FZD2: variants seen among roughly 807,000 people sequenced by gnomAD.
FZD2 encodes frizzled-2.
Under a neutral mutation model 36.7 loss-of-function variants are expected in FZD2, and 17 were observed. That is an observed-to-expected ratio of 0.46 (90% CI 0.32 to 0.70). The LOEUF (loss-of-function observed/expected upper bound fraction) is 0.70. Among genes scored for constraint, FZD2 ranks in the 30% least tolerant of loss-of-function variants. The pLI, the probability that FZD2 is intolerant of heterozygous loss-of-function variation, is 0.04. For synonymous variants in FZD2, 333 were observed against 359.6 expected (o/e 0.93, Z 0.84); for missense variants, 525 against 805.6 (o/e 0.65, Z 4.22).
rs1336876177 is a variant in FZD2 at position 44,558,250 on chromosome 17, G to T, written c.562G>T (p.Ala188Ser). ...CCCGGGTGGCCCGGGCGGCGGCGGCGCTCCCCCGCGCTACGCCACGCTGGA... is the reference window on the plus strand; with the variant it reads ...CCCGGGTGGCCCGGGCGGCGGCGGCTCTCCCCCGCGCTACGCCACGCTGGA... ...GTPGGPGGGG[A>S]PPRYATLEHP... Residue 188 changes from alanine to serine, a missense_variant, in exon 1 of 1, where the codon GCT becomes TCT. Physicochemically the swap from Ala to Ser is moderately conservative, Grantham distance 99. Transcript: ENST00000315323. The surrounding 1 kb of genome is among the most constrained non-coding windows in gnomAD (Gnocchi z 9.3). 68 of 1,383,190 alleles carry T rather than the reference G, an allele frequency of 4.9e-5. No individual in the cohort carries two copies. Among genetic ancestry groups the T allele is most frequent in the African/African-American group, 6.1e-5 (4 of 65,930 alleles). The allele number at this position is 1,383,190 out of a possible 1,614,324, so 85.7% of individuals were successfully genotyped here.
chr17:44,559,883 C>G lies in FZD2; in HGVS notation c.*497C>G, dbSNP rs1970870011. ...GTGAGCCTCCTCTCTGACGCTGGGC[C>G]TGTGGAAGCCGTTGGATATTTTTGA... On this transcript the variant is annotated 3_prime_UTR_variant, in exon 1 of 1. Transcript: ENST00000315323. The surrounding 1 kb of genome is among the most constrained non-coding windows in gnomAD (Gnocchi z 4.4). Among the ~76,000 whole-genome samples the G allele has an allele frequency of 6.6e-6, 1 of 152,194 alleles. No individual in the cohort carries two copies. The highest frequency in any genetic ancestry group is 2.1e-4 in the South Asian group (1 of 4,826).
Position 44,557,610 on chromosome 17 carries a change from C to T in FZD2, c.-79C>T, listed in dbSNP as rs1219097159. The T allele has an allele frequency of 3.8e-5, 33 of 875,590 alleles. 1 individual carries two copies. In the South Asian group the frequency reaches 1.1e-3, roughly 30 times the overall value. The allele number at this position is 875,590 out of a possible 1,614,324, so 54.2% of individuals were successfully genotyped here. On this transcript the variant is annotated 5_prime_UTR_variant, in exon 1 of 1. Coordinates refer to ENST00000315323, the MANE Select transcript of FZD2 (RefSeq NM_001466.4). The surrounding 1 kb of genome is among the most constrained non-coding windows in gnomAD (Gnocchi z 4.9). ...GGCGGCAGCCGCAGCGAGGAGGCGG[C>T]GGGGAAGAAGCGCAGTCTCCGGGTT...
At position 44,557,703 on chromosome 17, in the gene FZD2, C is replaced by G. The variant is rs1413946017; in HGVS notation, c.15C>G (p.Ser5Arg). The change falls in exon 1 of 1, where the codon AGC (serine) becomes AGG (arginine). Residue 5 changes from serine to arginine, a missense_variant. Transcript: ENST00000315323. The surrounding 1 kb of genome is among the most constrained non-coding windows in gnomAD (Gnocchi z 4.9). ...CGGCGGCCAGCATGCGGCCCCGCAG[C>G]GCCCTGCCCCGCCTGCTGCTGCCGC... MRPRSALPRLLLPLL... is the reference protein window; with the variant it reads MRPRRALPRLLLPLL... 1.3e-6 allele frequency: 2 copies of G among 1,485,092 alleles called. No homozygotes were observed. The highest frequency in any genetic ancestry group is 2.3e-5 in the Admixed American group (1 of 42,738). The allele number at this position is 1,485,092 out of a possible 1,614,324, so 92.0% of individuals were successfully genotyped here.
At position 44,557,896 on chromosome 17, in the gene FZD2, G is replaced by C; in HGVS notation, c.208G>C (p.Gly70Arg). 1 of 1,614,176 alleles carries C rather than the reference G, an allele frequency of 6.2e-7. No homozygotes were observed. Among genetic ancestry groups the C allele is most frequent in the South Asian group, 1.1e-5 (1 of 91,084 alleles). ...GGGCCACACGAACCAGGAGGACGCA[G>C]GCCTAGAGGTGCACCAGTTCTATCC... ...LLGHTNQEDA[G>R]LEVHQFYPLV... is the part of the protein sequence containing the mutation. Residue 70 changes from glycine to arginine, a missense_variant, in exon 1 of 1, where the codon GGC becomes CGC. Physicochemically the swap from Gly to Arg is moderately radical, Grantham distance 125. Around this residue, in one of 5 missense-constraint regions of FZD2, gnomAD observed 29 missense variants for 82.4 expected, o/e 0.35. Coordinates refer to ENST00000315323, the MANE Select transcript of FZD2 (RefSeq NM_001466.4). This position sits in a 1 kb window ranked among gnomAD's most constrained non-coding sequence, Gnocchi z 4.9.
At position 44,559,863 on chromosome 17, in the gene FZD2, C is replaced by T. The variant is rs540369761; in HGVS notation, c.*477C>T. On this transcript the variant is annotated 3_prime_UTR_variant, in exon 1 of 1. Transcript: ENST00000315323. The surrounding 1 kb of genome is among the most constrained non-coding windows in gnomAD (Gnocchi z 4.4). The stretch of plus-strand genomic sequence containing the variant: ...CTAATATAAAAGCCAAATTTGTGAG[C>T]CTCCTCTCTGACGCTGGGCCTGTGG... 6.6e-6 allele frequency among the ~76,000 whole-genome samples: 1 copy of T among 152,250 alleles called. No individual in the cohort carries two copies. Among genetic ancestry groups the T allele is most frequent in the East Asian group, 1.9e-4 (1 of 5,186 alleles).
rs770903448 is a variant in FZD2 at position 44,558,182 on chromosome 17, C to A, written c.494C>A (p.Thr165Asn). The A allele has an allele frequency of 6.6e-7, 1 of 1,509,080 alleles. No homozygotes were observed. The highest frequency in any genetic ancestry group is 2.2e-5 in the Admixed American group (1 of 45,888). 93.5% of individuals were successfully genotyped at this position (1,509,080 alleles called of 1,614,324 possible). ...HSEDGAPALL[T>N]TAPPPGLQPG... ...GAGGACGGAGCTCCCGCGCTACTCA[C>A]CACCGCGCCGCCGCCGGGACTGCAG... The change falls in exon 1 of 1, where the codon ACC (threonine) becomes AAC (asparagine). Residue 165 changes from threonine (T) to asparagine (N), a missense_variant. Physicochemically the swap from Thr to Asn is moderately conservative, Grantham distance 65. This residue lies in a region of FZD2 where 257 missense variants were observed against 344.4 expected (regional missense o/e 0.75). Coordinates refer to ENST00000315323, the MANE Select transcript of FZD2 (RefSeq NM_001466.4). This position sits in a 1 kb window ranked among gnomAD's most constrained non-coding sequence, Gnocchi z 9.3.
Position 44,561,221 on chromosome 17 carries a change from A to G in FZD2, c.*1835A>G, listed in dbSNP as rs1970883707. On this transcript the variant is annotated 3_prime_UTR_variant, in exon 1 of 1. Transcript: ENST00000315323. Reference sequence around the variant, plus strand: ...CCATTTCTTAACAGTGTAAATTAAAAGCTAATAATCATAATAATAAAGTGC... The same window carrying G: ...CCATTTCTTAACAGTGTAAATTAAAGGCTAATAATCATAATAATAAAGTGC... Among the ~76,000 whole-genome samples the G allele has an allele frequency of 6.6e-6, 1 of 152,234 alleles. No homozygotes were observed. The highest frequency in any genetic ancestry group is 6.5e-5 in the Admixed American group (1 of 15,280).
rs1380288511 is a variant in FZD2 at position 44,559,479 on chromosome 17, G to A, written c.*93G>A. On this transcript the variant is annotated 3_prime_UTR_variant, in exon 1 of 1. Coordinates refer to ENST00000315323, the MANE Select transcript of FZD2 (RefSeq NM_001466.4). The surrounding 1 kb of genome is among the most constrained non-coding windows in gnomAD (Gnocchi z 4.4). ...TATTTTATTTTTTTAAATAAAAAACGATCGAAACCATTTCACTTTTAGGTT... is the reference window on the plus strand; with the variant it reads ...TATTTTATTTTTTTAAATAAAAAACAATCGAAACCATTTCACTTTTAGGTT... The A allele has an allele frequency of 7.0e-7, 1 of 1,424,130 alleles. No homozygotes were observed. Among genetic ancestry groups the A allele is most frequent in the Non-Finnish European group, 9.1e-7 (1 of 1,093,578 alleles). The allele number at this position is 1,424,130 out of a possible 1,614,324, so 88.2% of individuals were successfully genotyped here.
chr17:44,559,409 G>C lies in FZD2; in HGVS notation c.*23G>C. On this transcript the variant is annotated 3_prime_UTR_variant, in exon 1 of 1. Transcript: ENST00000315323. This position sits in a 1 kb window ranked among gnomAD's most constrained non-coding sequence, Gnocchi z 4.4. ...TGAGGGACGCCCCCAGGCCGGAACCGCGCGGCGCTTTCCTCCGCCCGGGGT... is the reference window on the plus strand; with the variant it reads ...TGAGGGACGCCCCCAGGCCGGAACCCCGCGGCGCTTTCCTCCGCCCGGGGT... 6.5e-7 allele frequency: 1 copy of C among 1,549,990 alleles called. No individual in the cohort carries two copies. The highest frequency in any genetic ancestry group is 8.7e-7 in the Non-Finnish European group (1 of 1,149,546).
rs900079717 is a variant in FZD2, at chr17:44,560,085, C to T, written c.*699C>T. Among the ~76,000 whole-genome samples, 6 of 152,166 alleles carry T rather than the reference C, an allele frequency of 3.9e-5. No homozygotes were observed. Among genetic ancestry groups the T allele is most frequent in the Non-Finnish European group, 8.8e-5 (6 of 68,038 alleles). The stretch of plus-strand genomic sequence containing the variant: ...GATCCGGTGAGGAATGGCTTCCACC[C>T]CCTGGCCCATTCCCCTGCAGGCTGG... On this transcript the variant is annotated 3_prime_UTR_variant, in exon 1 of 1. Transcript: ENST00000315323.
In FZD2 at chr17:44,558,245, G is replaced by C; in HGVS notation, c.557G>C (p.Gly186Ala). The C allele has an allele frequency of 7.2e-7, 1 of 1,385,546 alleles. No homozygotes were observed. Among genetic ancestry groups the C allele is most frequent in the South Asian group, 1.9e-5 (1 of 53,210 alleles). The allele number at this position is 1,385,546 out of a possible 1,614,324, so 85.8% of individuals were successfully genotyped here. ...AGGTPGGPGG[G>A]GAPPRYATLE... is the part of the protein sequence containing the mutation. Reference sequence around the variant, plus strand: ...GGCACCCCGGGTGGCCCGGGCGGCGGCGGCGCTCCCCCGCGCTACGCCACG... The same window carrying C: ...GGCACCCCGGGTGGCCCGGGCGGCGCCGGCGCTCCCCCGCGCTACGCCACG... The change falls in exon 1 of 1, where the codon GGC (glycine) becomes GCC (alanine). Residue 186 changes from glycine to alanine, a missense_variant. Around this residue, in one of 5 missense-constraint regions of FZD2, gnomAD observed 257 missense variants for 344.4 expected, o/e 0.75. Transcript: ENST00000315323. This position sits in a 1 kb window ranked among gnomAD's most constrained non-coding sequence, Gnocchi z 9.3.
In FZD2 at chr17:44,559,013, G is replaced by C; in HGVS notation, c.1325G>C (p.Arg442Pro). ...GGCTTCGTGTCGCTCTTCCGCATCC[G>C]CACCATCATGAAGCACGACGGCACC... ...LAGFVSLFRIRTIMKHDGTKT... is the reference protein window; with the variant it reads ...LAGFVSLFRIPTIMKHDGTKT... Residue 442 changes from arginine to proline, a missense_variant, in exon 1 of 1, where the codon CGC (arginine) becomes CCC (proline). Physicochemically the swap from Arg to Pro is moderately radical, Grantham distance 103. Around this residue, in one of 5 missense-constraint regions of FZD2, gnomAD observed 189 missense variants for 298.1 expected, o/e 0.63. Transcript: ENST00000315323. The surrounding 1 kb of genome is among the most constrained non-coding windows in gnomAD (Gnocchi z 4.4). 1.2e-6 allele frequency: 2 copies of C among 1,614,120 alleles called. No homozygotes were observed. Among genetic ancestry groups the C allele is most frequent in the Non-Finnish European group, 1.7e-6 (2 of 1,180,028 alleles).
chr17:44,558,444 G>T lies in FZD2; in HGVS notation c.756G>T (p.Ser252=). 1 of 1,585,406 alleles carries T rather than the reference G, an allele frequency of 6.3e-7. No individual in the cohort carries two copies. The highest frequency in any genetic ancestry group is 8.6e-7 in the Non-Finnish European group (1 of 1,167,894). ...CGCGCCTCTGGATCCTCACCTGGTCGGTGCTGTGCTGCGCTTCCACCTTCT... is the reference window on the plus strand; with the variant it reads ...CGCGCCTCTGGATCCTCACCTGGTCTGTGCTGTGCTGCGCTTCCACCTTCT... ...RFARLWILTW[S]VLCCASTFFT... is the part of the protein sequence containing the mutation. Residue 252 remains serine (S), a synonymous_variant, in exon 1 of 1, where the codon TCG becomes TCT. Coordinates refer to ENST00000315323, the MANE Select transcript of FZD2 (RefSeq NM_001466.4). This position sits in a 1 kb window ranked among gnomAD's most constrained non-coding sequence, Gnocchi z 9.3.
Position 44,558,656 on chromosome 17 carries a change from A to G in FZD2, c.968A>G (p.Lys323Arg), listed in dbSNP as rs764576821. 6.2e-7 allele frequency: 1 copy of G among 1,614,202 alleles called. No homozygotes were observed. The highest frequency in any genetic ancestry group is 1.7e-5 in the Admixed American group (1 of 60,032). The change falls in exon 1 of 1, where the codon AAG becomes AGG. Residue 323 changes from lysine to arginine, a missense_variant. Physicochemically the swap from Lys to Arg is conservative, Grantham distance 26. Coordinates refer to ENST00000315323, the MANE Select transcript of FZD2 (RefSeq NM_001466.4). The surrounding 1 kb of genome is among the most constrained non-coding windows in gnomAD (Gnocchi z 9.3). ...TACCGCACGGTGGTGCAGGGCACCAAGAAGGAGGGCTGCACCATCCTCTTC... is the reference window on the plus strand; with the variant it reads ...TACCGCACGGTGGTGCAGGGCACCAGGAAGGAGGGCTGCACCATCCTCTTC... ...DGYRTVVQGT[K>R]KEGCTILFMM...
chr17:44,558,786 G>A lies in FZD2; in HGVS notation c.1098G>A (p.Glu366=). ...TGAAGTGGGGCCACGAGGCCATCGAGGCCAACTCTCAGTACTTCCACCTGG... is the reference window on the plus strand; with the variant it reads ...TGAAGTGGGGCCACGAGGCCATCGAAGCCAACTCTCAGTACTTCCACCTGG... ...AGMKWGHEAI[E]ANSQYFHLAA... is the part of the protein sequence containing the mutation. Residue 366 remains glutamate (E), a synonymous_variant, in exon 1 of 1, where the codon GAG becomes GAA. Coordinates refer to ENST00000315323, the MANE Select transcript of FZD2 (RefSeq NM_001466.4). The surrounding 1 kb of genome is among the most constrained non-coding windows in gnomAD (Gnocchi z 9.3). The A allele has an allele frequency of 6.2e-7, 1 of 1,614,238 alleles. No individual in the cohort carries two copies. The highest frequency in any genetic ancestry group is 2.2e-5 in the East Asian group (1 of 44,880).
rs765929967 is a variant in FZD2, at chr17:44,557,919, T to C, written c.231T>C (p.Tyr77=). The part of the protein sequence containing the change: ...EDAGLEVHQF[Y]PLVKVQCSPE... ...CAGGCCTAGAGGTGCACCAGTTCTA[T>C]CCGCTGGTGAAGGTGCAGTGCTCGC... The change falls in exon 1 of 1, where the codon TAT becomes TAC. Residue 77 remains tyrosine (Y), a synonymous_variant. Transcript: ENST00000315323. This position sits in a 1 kb window ranked among gnomAD's most constrained non-coding sequence, Gnocchi z 4.9. 5.0e-6 allele frequency: 8 copies of C among 1,614,130 alleles called. No individual in the cohort carries two copies. The highest frequency in any genetic ancestry group is 6.8e-6 in the Non-Finnish European group (8 of 1,179,994).
rs1238294571 is a variant in FZD2, at chr17:44,559,223, C to A, written c.1535C>A (p.Pro512Gln). The change falls in exon 1 of 1, where the codon CCG (proline) becomes CAG (glutamine). Residue 512 changes from proline (P) to glutamine (Q), a missense_variant. By Grantham distance (76) the Pro-to-Gln change is moderately conservative. Transcript: ENST00000315323. This position sits in a 1 kb window ranked among gnomAD's most constrained non-coding sequence, Gnocchi z 4.4. Reference protein sequence around the residue: ...LAIPCPAHYTPRMSPDFTVYM... With the variant: ...LAIPCPAHYTQRMSPDFTVYM... ...ATCCCGTGCCCGGCGCACTACACGC[C>A]GCGCATGTCGCCCGACTTCACGGTC... The A allele has an allele frequency of 1.2e-6, 2 of 1,613,950 alleles. No homozygotes were observed. Among genetic ancestry groups the A allele is most frequent in the Non-Finnish European group, 1.7e-6 (2 of 1,180,020 alleles).
chr17:44,559,871 C>G lies in FZD2; in HGVS notation c.*485C>G, dbSNP rs1201684104. Among the ~76,000 whole-genome samples the G allele has an allele frequency of 1.3e-5, 2 of 152,212 alleles. No homozygotes were observed. The highest frequency in any genetic ancestry group is 2.9e-5 in the Non-Finnish European group (2 of 68,048). On this transcript the variant is annotated 3_prime_UTR_variant, in exon 1 of 1. Transcript: ENST00000315323. This position sits in a 1 kb window ranked among gnomAD's most constrained non-coding sequence, Gnocchi z 4.4. ...AAAGCCAAATTTGTGAGCCTCCTCT[C>G]TGACGCTGGGCCTGTGGAAGCCGTT...
In FZD2 at chr17:44,560,844, T is replaced by C. The variant is rs1210791299; in HGVS notation, c.*1458T>C. ...GTTTCTCCTGCCTCAGCCTCCCAAG[T>C]AGCTGGGACTACAGGCGCACGCCAC... On this transcript the variant is annotated 3_prime_UTR_variant, in exon 1 of 1. Transcript: ENST00000315323. Among the ~76,000 whole-genome samples the C allele has an allele frequency of 2.0e-5, 3 of 152,330 alleles. No individual in the cohort carries two copies. The East Asian group carries it at 5.8e-4, about 29-fold the overall frequency.
Sources: allele counts gnomAD v4.1 joint callset (sites outside exome capture counted in the v4.1 genomes callset), GRCh38; gene constraint gnomAD v4.1.1; regional missense constraint gnomAD v4.1.1; non-coding constraint Gnocchi (gnomAD v3.1); transcripts MANE v1.5; gene names NCBI Gene and HGNC (gene_info 2026-07-23, HGNC 2026-07-21).